ENOX1: variants seen among roughly 807,000 people sequenced by gnomAD.
ENOX1 encodes candidate growth-related and time keeping constitutive hydroquinone (NADH) oxidase.
A neutral mutation model predicts 82.5 loss-of-function variants in ENOX1; 42 were observed. That is an observed-to-expected ratio of 0.51 (90% CI 0.40 to 0.66). The LOEUF (loss-of-function observed/expected upper bound fraction) is 0.66, where lower values mean the gene tolerates loss of function less well. Among genes scored for constraint, ENOX1 ranks in the 30% least tolerant of loss-of-function variants. ENOX1 has a pLI of 0.00. For missense variants in ENOX1, 608 were observed against 811.6 expected, an observed-to-expected ratio of 0.75 and a Z score of 3.05; for synonymous variants, 271 against 282.2, an observed-to-expected ratio of 0.96 and a Z score of 0.40.
chr13:43,553,340 T>C (rs570309559), intron 2 of ENOX1, among the ~76,000 whole-genome samples: 1 of 152,186 alleles, frequency 6.6e-6, no homozygotes, highest in Non-Finnish European at 1.5e-5. Flanking sequence ...GCTACTTTAC[T>C]TCTCAAAACA....
intron 1 of ENOX1, among the ~76,000 whole-genome samples, chr13:43,739,423 C>T (rs960453370): frequency 1.3e-5 from 2 of 151,996 alleles, no homozygotes; most frequent in Non-Finnish European, 2.9e-5. Flanking sequence ...GTGGCATGCG[C>T]CTGTAGTCCC....
chr13:43,336,489 A>G (rs538416747), intron 9 of ENOX1, among the ~76,000 whole-genome samples: 9 of 152,360 alleles, frequency 5.9e-5, no homozygotes, highest in South Asian at 2.1e-4. Flanking sequence ...ATTCTGACCA[A>G]TCTTCAGCAC....
chr13:43,578,852 C>T (rs962669239), intron 2 of ENOX1, among the ~76,000 whole-genome samples: 3 of 152,084 alleles, frequency 2.0e-5, no homozygotes, highest in African/African-American at 7.2e-5. Context: ...CTTTGATCTC[C>T]TCCCCCAATG....
At chr13:43,520,083 C>T (rs1414426870) in intron 2 of ENOX1, among the ~76,000 whole-genome samples, 1 of 152,168 alleles carries the variant, frequency 6.6e-6, no homozygotes, top group Non-Finnish European at 1.5e-5. Context: ...TAGCAAAGTG[C>T]TTAGCTCATA....
intron 1 of ENOX1, among the ~76,000 whole-genome samples, chr13:43,673,395 A>T (rs1229349941): frequency 1.3e-5 from 2 of 152,268 alleles, no homozygotes; most frequent in East Asian, 3.9e-4. Flanking sequence ...CACTAAACAA[A>T]GCTCTTCCTG....
intron 1 of ENOX1, among the ~76,000 whole-genome samples, chr13:43,707,183 T>C (rs182987816): frequency 6.6e-6 from 1 of 152,112 alleles, no homozygotes; most frequent in Admixed American, 6.5e-5. Flanking sequence ...AAACATTAAA[T>C]AGAGAAAAAA....
chr13:43,576,791 C>T (rs1341423845), intron 2 of ENOX1, among the ~76,000 whole-genome samples: 1 of 152,156 alleles, frequency 6.6e-6, no homozygotes, highest in Admixed American at 6.5e-5. Context: ...TTCTATGGAA[C>T]AGCACTAGGT....
At chr13:43,293,874 A>G (rs1228525698) in intron 12 of ENOX1, among the ~76,000 whole-genome samples, 1 of 152,240 alleles carries the variant, frequency 6.6e-6, no homozygotes, top group Non-Finnish European at 1.5e-5. Context: ...ATCTTCCATA[A>G]AATTAGTCTA....
chr13:43,643,080 A>C (rs1310173596), intron 2 of ENOX1, among the ~76,000 whole-genome samples: 1 of 152,204 alleles, frequency 6.6e-6, no homozygotes, highest in African/African-American at 2.4e-5. Context: ...TTTATTTATA[A>C]AGAAAAATTG....
intron 5 of ENOX1, among the ~76,000 whole-genome samples, chr13:43,365,360 G>A (rs1041907397): frequency 1.3e-5 from 2 of 152,216 alleles, no homozygotes; most frequent in Non-Finnish European, 2.9e-5. Flanking sequence ...AGAACATAGC[G>A]TTTTAAGAAA....
chr13:43,415,814 C>T (rs1010681616), intron 3 of ENOX1, among the ~76,000 whole-genome samples: 4 of 152,062 alleles, frequency 2.6e-5, no homozygotes, highest in Admixed American at 1.3e-4. Flanking sequence ...AGAAGCGCTC[C>T]TCACTTCCCA....
intron 11 of ENOX1, among the ~76,000 whole-genome samples, chr13:43,299,586 G>C (rs192855875): frequency 2.0e-5 from 3 of 152,258 alleles, no homozygotes; most frequent in African/African-American, 2.4e-5. Flanking sequence ...CCAGGCTGCA[G>C]GCTCCAGAGT....
chr13:43,370,211 C>CA (rs1566056819), intron 5 of ENOX1, among the ~76,000 whole-genome samples: 2 of 152,110 alleles, frequency 1.3e-5, no homozygotes, highest in Admixed American at 1.3e-4. Flanking sequence ...GCTAAAAGTA[C>CA]AAAAAATTAG....
At chr13:43,277,319 TG>T (rs1452641121) in intron 12 of ENOX1, among the ~76,000 whole-genome samples, 1 of 152,160 alleles carries the variant, frequency 6.6e-6, no homozygotes, top group Non-Finnish European at 1.5e-5. Flanking sequence ...TGAGAGATGG[TG>T]GGAGCATGGC....
intron 1 of ENOX1, among the ~76,000 whole-genome samples, chr13:43,717,496 C>A (rs545950807): frequency 7.9e-5 from 12 of 152,114 alleles, no homozygotes; most frequent in Non-Finnish European, 1.6e-4. Context: ...GAATTTATGG[C>A]TAAGTTCCTA....
At chr13:43,764,167 C>T in intron 1 of ENOX1, among the ~76,000 whole-genome samples, 1 of 152,200 alleles carries the variant, frequency 6.6e-6, no homozygotes, top group East Asian at 1.9e-4. Flanking sequence ...TACAGTGCCT[C>T]TTAAGTGTCA....
At chr13:43,769,569 T>G (rs1007388720) in intron 1 of ENOX1, among the ~76,000 whole-genome samples, 1 of 152,142 alleles carries the variant, frequency 6.6e-6, no homozygotes, top group Non-Finnish European at 1.5e-5. Context: ...GAGAAGGAGA[T>G]AGTAACAGAC....
rs773467313 is a variant in ENOX1 at position 43,322,393 on chromosome 13, C to T, written c.1252G>A (p.Asp418Asn). Residue 418 changes from aspartate (D) to asparagine (N), a missense_variant, in exon 11 of 17, where the codon GAT becomes AAT. Coordinates refer to ENST00000690772, the MANE Select transcript of ENOX1 (RefSeq NM_001347969.2). ...CAGTTATCGGCATTACCTGATTCATCGACTCTCATTTTCTTTGTAGGGCTG... is the reference window on the plus strand; with the variant it reads ...CAGTTATCGGCATTACCTGATTCATTGACTCTCATTTTCTTTGTAGGGCTG... ...CDSPTKKMRV[D>N]ESALAAQAYA... The T allele has an allele frequency of 2.8e-5, 45 of 1,613,084 alleles. 1 individual carries two copies. Among genetic ancestry groups the T allele is most frequent in the South Asian group, 5.5e-5 (5 of 90,970 alleles).
intron 1 of ENOX1, among the ~76,000 whole-genome samples, chr13:43,745,334 A>G (rs751804261): frequency 1.3e-5 from 2 of 152,238 alleles, no homozygotes; most frequent in East Asian, 1.9e-4. Context: ...AGAAAATAAC[A>G]TTAAATGAAA....
Sources: gnomAD v4.1 joint callset for allele counts (sites outside exome capture counted in the v4.1 genomes callset) on GRCh38, gnomAD v4.1.1 for gene constraint, MANE v1.5 for transcripts, NCBI Gene and HGNC (gene_info 2026-07-23, HGNC 2026-07-21) for gene names.